NTN1: variants seen among roughly 807,000 people sequenced by gnomAD.
The protein encoded by NTN1 is netrin-1.
NTN1 carries 11 observed loss-of-function variants against 54.2 expected under a neutral mutation model. That is an observed-to-expected ratio of 0.20 (90% CI 0.13 to 0.34). The LOEUF is 0.34. Among genes scored for constraint, NTN1 ranks in the 10% least tolerant of loss-of-function variants. The pLI, the probability that NTN1 is intolerant of heterozygous loss-of-function variation, is 1.00. For missense variants in NTN1, 740 were observed against 893.1 expected (o/e 0.83, Z 2.18); for synonymous variants, 371 against 382.0 (o/e 0.97, Z 0.33).
intron 2 of NTN1, among the ~76,000 whole-genome samples, chr17:9,042,376 C>G (rs187737092): frequency 1.3e-5 from 2 of 151,488 alleles, no homozygotes; most frequent in East Asian, 3.9e-4. Context: ...TCTCAGTTCT[C>G]GAGAGGCTGA....
intron 6 of NTN1, among the ~76,000 whole-genome samples, chr17:9,228,403 G>T (rs966550176): frequency 6.6e-6 from 1 of 152,156 alleles, no homozygotes; most frequent in Admixed American, 6.5e-5. Flanking sequence ...GCTGGTGTTG[G>T]CCTCATCAGT....
the NTN1 span, among the ~76,000 whole-genome samples, chr17:9,007,200 T>G: frequency 1.3e-5 from 2 of 151,722 alleles, no homozygotes; most frequent in Admixed American, 1.3e-4. Flanking sequence ...TCTTTCTTCC[T>G]TCCTTTTTCT....
At chr17:9,237,690 C>T (rs559391551) in intron 6 of NTN1, among the ~76,000 whole-genome samples, 2 of 152,306 alleles carry the variant, frequency 1.3e-5, no homozygotes, top group African/African-American at 4.8e-5. Flanking sequence ...CGAGCTCATT[C>T]GTATTCAGCT....
At chr17:9,005,740 C>T in the NTN1 span, among the ~76,000 whole-genome samples, 24,134 of 152,186 alleles carry the variant, frequency 0.16, 2,193 homozygotes, top group Non-Finnish European at 0.21. Context: ...CTAGGAGATG[C>T]TCCAGTATCC....
rs1174680980 is a variant in NTN1 at position 9,165,926 on chromosome 17, A to C, written c.1207+2925A>C. ...TTGGTGAGCAAAAATTTGACCCAAGAAGTCCAGCCATCTGATTGGTGAAGA... is the reference window on the plus strand; with the variant it reads ...TTGGTGAGCAAAAATTTGACCCAAGCAGTCCAGCCATCTGATTGGTGAAGA... On this transcript the variant is annotated intron_variant, in intron 3 of 6. Coordinates refer to ENST00000173229, the MANE Select transcript of NTN1 (RefSeq NM_004822.3). This position sits in a 1 kb window ranked among gnomAD's most constrained non-coding sequence, Gnocchi z 4.5. Among the ~76,000 whole-genome samples the C allele has an allele frequency of 1.3e-5, 2 of 152,144 alleles. No homozygotes were observed. Among genetic ancestry groups the C allele is most frequent in the Admixed American group, 6.5e-5 (1 of 15,278 alleles).
At chr17:9,081,526 C>T (rs910038433) in intron 2 of NTN1, among the ~76,000 whole-genome samples, 1 of 152,192 alleles carries the variant, frequency 6.6e-6, no homozygotes, top group African/African-American at 2.4e-5. Flanking sequence ...CAGATAGTCT[C>T]CTCACCTCTC....
intron 2 of NTN1, among the ~76,000 whole-genome samples, chr17:9,027,302 G>A (rs555257497): frequency 3.3e-5 from 5 of 152,180 alleles, no homozygotes; most frequent in South Asian, 2.1e-4. Context: ...TTTGCCAAGC[G>A]CTCACATTAA....
intron 3 of NTN1, chr17:9,177,149 A>C (rs1333210724): frequency 6.6e-6 from 1 of 152,336 alleles, no homozygotes; most frequent in East Asian, 1.9e-4. Context: ...AATCTCAGAA[A>C]GATTTGGAAA....
In NTN1 at chr17:9,221,147, T is replaced by TCACC; in HGVS notation, c.1412-20_1412-19insACCC. The TCACC allele has an allele frequency of 1.5e-6, 2 of 1,303,812 alleles. No individual in the cohort carries two copies. 80.8% of individuals were successfully genotyped at this position (1,303,812 alleles called of 1,614,324 possible). ...CAGCCTAATTAGTTTTTGTCTGTGC[T>TCACC]CCCCCCCCACCCCCCTGCAGACTGC... On this transcript the variant is annotated intron_variant, in intron 5 of 6. Transcript: ENST00000173229. This position sits in a 1 kb window ranked among gnomAD's most constrained non-coding sequence, Gnocchi z 4.5.
chr17:9,137,718 T>A (rs1262200229), intron 2 of NTN1, among the ~76,000 whole-genome samples: 2 of 151,578 alleles, frequency 1.3e-5, no homozygotes, highest in South Asian at 4.2e-4. Context: ...CGCTTGAACC[T>A]GGGAGGTGGA....
chr17:9,165,407 C>A lies in NTN1; in HGVS notation c.1207+2406C>A, dbSNP rs1397415335. On this transcript the variant is annotated intron_variant, in intron 3 of 6. Coordinates refer to ENST00000173229, the MANE Select transcript of NTN1 (RefSeq NM_004822.3). This position sits in a 1 kb window ranked among gnomAD's most constrained non-coding sequence, Gnocchi z 4.5. ...GGCTGAATGGCATGATATTGCCCAC[C>A]TTCCTTTACTGGTTTGTAGGAGGGC... 6.6e-6 allele frequency among the ~76,000 whole-genome samples: 1 copy of A among 152,214 alleles called. No individual in the cohort carries two copies. Among genetic ancestry groups the A allele is most frequent in the African/African-American group, 2.4e-5 (1 of 41,456 alleles).
At chr17:9,100,643 T>A (rs920218879) in intron 2 of NTN1, among the ~76,000 whole-genome samples, 1 of 152,194 alleles carries the variant, frequency 6.6e-6, no homozygotes, top group African/African-American at 2.4e-5. Flanking sequence ...AAGAACTATA[T>A]CATGTGTATA....
chr17:9,133,605 T>TG (rs2092272176), intron 2 of NTN1, among the ~76,000 whole-genome samples: 1 of 148,960 alleles, frequency 6.7e-6, no homozygotes, highest in Admixed American at 6.6e-5. Flanking sequence ...TTTTTTTTTT[T>TG]TGAGACAGAG....
At chr17:9,036,427 G>A (rs905536739) in intron 2 of NTN1, among the ~76,000 whole-genome samples, 3 of 125,350 alleles carry the variant, frequency 2.4e-5, no homozygotes, top group African/African-American at 3.1e-5. Context: ...ACAGGGTCTC[G>A]CTCTGTCATC....
Position 9,100,771 on chromosome 17 carries a change from GT to G in NTN1, c.1019-62035del, listed in dbSNP as rs139849676. Among the ~76,000 whole-genome samples the G allele has an allele frequency of 7.2e-5, 11 of 152,060 alleles. 1 individual carries two copies. The highest frequency in any genetic ancestry group is 4.6e-4 in the Admixed American group (7 of 15,260). On this transcript the variant is annotated intron_variant, in intron 2 of 6. Transcript: ENST00000173229. The stretch of plus-strand genomic sequence containing the variant: ...TTTGCCTTTTATTTCTATTTATAGA[GT>G]TTTTTTGTTGTTTTAATCAGATGGT...
At chr17:9,208,326 G>A (rs11654744) in intron 5 of NTN1, among the ~76,000 whole-genome samples, 1 of 152,164 alleles carries the variant, frequency 6.6e-6, no homozygotes, top group Non-Finnish European at 1.5e-5. Context: ...GACGTCTTTT[G>A]TTTGGGGAGC....
the NTN1 span, among the ~76,000 whole-genome samples, chr17:9,003,486 G>A: frequency 6.6e-6 from 1 of 150,606 alleles, no homozygotes; most frequent in Non-Finnish European, 1.5e-5. The surrounding 1 kb of genome is among the most constrained non-coding windows in gnomAD (Gnocchi z 7.4). Context: ...CCGCGACCCC[G>A]GCTCCGCGCC....
intron 2 of NTN1, among the ~76,000 whole-genome samples, chr17:9,098,738 G>A (rs761669082): frequency 8.5e-5 from 13 of 152,172 alleles, no homozygotes; most frequent in South Asian, 4.1e-4. Context: ...AATGTAAATC[G>A]TAGGGGAGAT....
chr17:9,218,960 C>G (rs1290976089), intron 5 of NTN1, among the ~76,000 whole-genome samples: 2 of 152,062 alleles, frequency 1.3e-5, no homozygotes, highest in African/African-American at 4.8e-5. Context: ...GAAGGCCACC[C>G]CTGCAAGAAC....
Sources: gnomAD v4.1 joint callset for allele counts (sites outside exome capture counted in the v4.1 genomes callset) on GRCh38, gnomAD v4.1.1 for gene constraint, Gnocchi (gnomAD v3.1) non-coding constraint, MANE v1.5 for transcripts, NCBI Gene and HGNC (gene_info 2026-07-23, HGNC 2026-07-21) for gene names.